WWC2: variants seen among roughly 807,000 people sequenced by gnomAD.
WWC2 encodes the protein WW and C2 domain containing 2, also known as protein WWC2.
In WWC2, 101 loss-of-function variants were observed where a neutral mutation model predicts 138.5. The ratio of observed to expected loss-of-function variants is 0.73; its 90% CI spans 0.62 to 0.86. WWC2 has a LOEUF of 0.86. WWC2 is among the 40% of genes least tolerant of loss of function. The probability of loss-of-function intolerance (pLI) is 0.00; values close to 1 mark genes in which losing one functional copy is unlikely to be tolerated. For missense variants in WWC2, 1,420 were observed against 1,419.4 expected, an observed-to-expected ratio of 1.00 and a Z score of -0.01; for synonymous variants, 558 against 538.4, an observed-to-expected ratio of 1.04 and a Z score of -0.50.
intron 4 of WWC2, among the ~76,000 whole-genome samples, chr4:183,226,887 A>G (rs1447683481): frequency 6.6e-6 from 1 of 152,070 alleles, no homozygotes; most frequent in East Asian, 1.9e-4. Flanking sequence ...TTTCATAGAG[A>G]CTGTACACCG....
At chr4:183,103,233 G>C (rs72691665) in intron 1 of WWC2, among the ~76,000 whole-genome samples, 9,291 of 151,880 alleles carry the variant, frequency 0.061, 406 homozygotes, top group Non-Finnish European at 0.095. Flanking sequence ...AGGGAGGAAG[G>C]GGGTGCCAGC....
At chr4:183,220,163 CAA>C (rs1183087131) in intron 4 of WWC2, among the ~76,000 whole-genome samples, 2 of 152,252 alleles carry the variant, frequency 1.3e-5, no homozygotes, top group Non-Finnish European at 2.9e-5. Flanking sequence ...TGAATGCTGC[CAA>C]AAGTGAGAAT....
intron 22 of WWC2, among the ~76,000 whole-genome samples, chr4:183,313,147 A>G (rs1365480769): frequency 1.3e-5 from 2 of 152,198 alleles, no homozygotes; most frequent in Non-Finnish European, 2.9e-5. Flanking sequence ...CAGCATGGAC[A>G]GAGGCACAGA....
chr4:183,208,211 C>A, intron 3 of WWC2, 55 bp downstream of exon 3: 1 of 1,554,962 alleles, frequency 6.4e-7, no homozygotes, highest in Non-Finnish European at 8.8e-7. Context: ...TTGTAGATAA[C>A]AGAAGACCAC....
chr4:183,279,116 T>C (rs1297923794), intron 16 of WWC2, among the ~76,000 whole-genome samples: 3 of 152,146 alleles, frequency 2.0e-5, no homozygotes, highest in Non-Finnish European at 2.9e-5. Flanking sequence ...GCTGTGGGTT[T>C]GTCATAGATA....
chr4:183,152,299 G>T (rs1733655809), intron 1 of WWC2, among the ~76,000 whole-genome samples: 1 of 152,050 alleles, frequency 6.6e-6, no homozygotes. Flanking sequence ...AGGGGTTTGA[G>T]ACCAGCCTGG....
intron 1 of WWC2, among the ~76,000 whole-genome samples, chr4:183,127,210 A>C (rs1732786614): frequency 6.6e-6 from 1 of 152,316 alleles, no homozygotes; most frequent in Non-Finnish European, 1.5e-5. Flanking sequence ...TTATTCCTTA[A>C]GGAAAGCAAG....
At chr4:183,118,332 A>G (rs1186494186) in intron 1 of WWC2, among the ~76,000 whole-genome samples, 1 of 152,204 alleles carries the variant, frequency 6.6e-6, no homozygotes, top group Non-Finnish European at 1.5e-5. Context: ...GGCAGTCACT[A>G]AACTATGGTT....
intron 1 of WWC2, among the ~76,000 whole-genome samples, chr4:183,148,764 A>C (rs1178851231): frequency 6.6e-6 from 1 of 152,196 alleles, no homozygotes; most frequent in Admixed American, 6.5e-5. Context: ...TTCTAGAAGA[A>C]ACTGCTTCTT....
intron 1 of WWC2, among the ~76,000 whole-genome samples, chr4:183,137,187 A>G (rs1733145363): frequency 2.0e-5 from 3 of 152,092 alleles, no homozygotes; most frequent in Non-Finnish European, 4.4e-5. Context: ...ATTACATTAC[A>G]TTTATTAAAA....
intron 1 of WWC2, among the ~76,000 whole-genome samples, chr4:183,176,733 T>C (rs1320856263): frequency 1.3e-5 from 2 of 152,064 alleles, no homozygotes; most frequent in Admixed American, 1.3e-4. Flanking sequence ...CTTTTATTTT[T>C]ATTTTTGTTT....
intron 20 of WWC2, 42 bp from the exon 21 acceptor site, chr4:183,289,351 T>A: frequency 6.3e-7 from 1 of 1,591,026 alleles, no homozygotes; most frequent in Non-Finnish European, 8.6e-7. Context: ...AACCACTGCC[T>A]GTATAACCAG....
intron 21 of WWC2, among the ~76,000 whole-genome samples, chr4:183,296,618 A>C (rs552645038): frequency 6.6e-6 from 1 of 152,272 alleles, no homozygotes; most frequent in Non-Finnish European, 1.5e-5. Context: ...AATCATCCTT[A>C]CATAGATGAT....
chr4:183,231,258 CTTTTTTTTTTTT>C lies in WWC2; in HGVS notation c.523-8907_523-8896del, dbSNP rs1192297768. ...ATTATTCCAACAGATACAGTGAAAG[CTTTTTTTTTTTT>C]TTTTTTTTTTTTTTTTTGAGACAGA... is the stretch of plus-strand genomic sequence containing the variant. On this transcript the variant is annotated intron_variant, in intron 4 of 22. Transcript: ENST00000403733. Among the ~76,000 whole-genome samples the C allele has an allele frequency of 2.5e-3, 192 of 75,316 alleles. 1 individual carries two copies. The highest frequency in any genetic ancestry group is 9.0e-3 in the East Asian group (24 of 2,654). The allele number at this position is 75,316 out of a possible 152,430, so 49.4% of individuals were successfully genotyped here. A position where few individuals can be genotyped will look rare whatever the true frequency, so the allele number is the denominator to read the frequency against.
chr4:183,231,338 C>T (rs1302265960), intron 4 of WWC2, among the ~76,000 whole-genome samples: 1 of 135,108 alleles, frequency 7.4e-6, no homozygotes, highest in Non-Finnish European at 1.5e-5. Context: ...GGCGCGATCT[C>T]AGCTCATCAC....
intron 1 of WWC2, among the ~76,000 whole-genome samples, chr4:183,154,466 G>T (rs1186083641): frequency 2.0e-5 from 3 of 152,152 alleles, no homozygotes. Context: ...TGACCCTCAA[G>T]CCCTTGTCCT....
At chr4:183,233,148 CTTTTTTTTTTTTTTT>C (rs543576361) in intron 4 of WWC2, among the ~76,000 whole-genome samples, 1 of 84,812 alleles carries the variant, frequency 1.2e-5, no homozygotes, top group African/African-American at 5.3e-5. Context: ...CTTTTTAAAC[CTTTTTTTTTTTTTTT>C]TTTTTTTTTT....
intron 1 of WWC2, among the ~76,000 whole-genome samples, chr4:183,137,977 G>A (rs2111088169): frequency 6.6e-6 from 1 of 152,224 alleles, no homozygotes; most frequent in East Asian, 1.9e-4. Context: ...ATAGAACTTT[G>A]TATGTATTGA....
At chr4:183,240,380 T>A in intron 5 of WWC2, 118 bp downstream of exon 5, 1 of 635,034 alleles carries the variant, frequency 1.6e-6, no homozygotes, top group South Asian at 5.2e-5. Flanking sequence ...AGTAAAAAAG[T>A]TCAGAGCTCT....
Sources: gnomAD v4.1 joint callset for allele counts (sites outside exome capture counted in the v4.1 genomes callset) on GRCh38, gnomAD v4.1.1 for gene constraint, MANE v1.5 for transcripts, NCBI Gene and HGNC (gene_info 2026-07-23, HGNC 2026-07-21) for gene names.